The following MAP2 variants were observed in gnomAD, a reference collection of about 807,000 sequenced individuals.
MAP2 encodes microtubule associated protein 2, also known as microtubule-associated protein 2.
A neutral mutation model predicts 137.6 loss-of-function variants in MAP2; 14 were observed. The ratio of observed to expected loss-of-function variants is 0.10; its 90% CI spans 0.07 to 0.16. The LOEUF (loss-of-function observed/expected upper bound fraction) is 0.16. Ranked by LOEUF, MAP2 falls within the 10% of genes least tolerant of loss-of-function variation. The pLI is 1.00. For synonymous variants in MAP2, 786 were observed against 782.3 expected, an observed-to-expected ratio of 1.00 and a Z score of -0.08; for missense variants, 2,088 against 2,191.5, an observed-to-expected ratio of 0.95 and a Z score of 0.94.
At chr2:209,595,846 A>G (rs949269002) in intron 3 of MAP2, among the ~76,000 whole-genome samples, 6 of 152,200 alleles carry the variant, frequency 3.9e-5, no homozygotes, top group African/African-American at 1.2e-4. Flanking sequence ...TGAGCAAACT[A>G]TCACAAAGAC....
At chr2:209,706,255 T>C (rs2063371649) in intron 12 of MAP2, among the ~76,000 whole-genome samples, 2 of 152,118 alleles carry the variant, frequency 1.3e-5, no homozygotes, top group Admixed American at 1.3e-4. Context: ...CATGAACTGA[T>C]TGGCAATTGT....
intron 1 of MAP2, among the ~76,000 whole-genome samples, chr2:209,427,634 T>C (rs1363526954): frequency 1.3e-5 from 2 of 152,202 alleles, no homozygotes; most frequent in East Asian, 3.9e-4. Context: ...TGATACAAAT[T>C]TGGCCTTTAT....
At chr2:209,509,432 CCT>C (rs2061466749) in intron 2 of MAP2, among the ~76,000 whole-genome samples, 1 of 151,818 alleles carries the variant, frequency 6.6e-6, no homozygotes. Flanking sequence ...CATGTTTAAG[CCT>C]CTCTTATTAC....
intron 3 of MAP2, among the ~76,000 whole-genome samples, chr2:209,615,844 T>C (rs541896132): frequency 4.5e-4 from 68 of 152,330 alleles, no homozygotes; most frequent in South Asian, 1.9e-3. Context: ...TCTTTCCTAA[T>C]TGATTTTTCT....
intron 3 of MAP2, among the ~76,000 whole-genome samples, chr2:209,621,087 C>CTGGG (rs1245858371): frequency 1.3e-5 from 2 of 151,440 alleles, no homozygotes; most frequent in East Asian, 4.0e-4. Flanking sequence ...CCCAGCTACT[C>CTGGG]TGGGGACTGA....
At chr2:209,600,737 T>G (rs190544046) in intron 3 of MAP2, among the ~76,000 whole-genome samples, 1 of 152,228 alleles carries the variant, frequency 6.6e-6, no homozygotes, top group Admixed American at 6.5e-5. Flanking sequence ...ACACGGTGAG[T>G]GAGCTGGGAG....
intron 2 of MAP2, among the ~76,000 whole-genome samples, chr2:209,517,872 T>A (rs909298642): frequency 8.0e-5 from 12 of 149,242 alleles, no homozygotes; most frequent in African/African-American, 1.5e-4. Flanking sequence ...ATTTTTTTTT[T>A]AAATAAGAGA....
chr2:209,458,886 T>C (rs1445590183), intron 1 of MAP2, among the ~76,000 whole-genome samples: 1 of 152,124 alleles, frequency 6.6e-6, no homozygotes, highest in Non-Finnish European at 1.5e-5. Flanking sequence ...TCTTTTCATA[T>C]GTCAAGCAGA....
At chr2:209,593,634 A>AT (rs1553608278) in intron 3 of MAP2, among the ~76,000 whole-genome samples, 36 of 33,644 alleles carry the variant, frequency 1.1e-3, no homozygotes, top group African/African-American at 3.9e-3. Flanking sequence ...AAAAAAAAAA[A>AT]ATATATATAT....
chr2:209,457,755 A>G (rs149766269), intron 1 of MAP2, among the ~76,000 whole-genome samples: 56 of 152,328 alleles, frequency 3.7e-4, no homozygotes, highest in African/African-American at 1.3e-3. Context: ...TTCTAGAGAT[A>G]GGGACATGGA....
chr2:209,657,853 G>GAA (rs2041646086), intron 5 of MAP2, among the ~76,000 whole-genome samples: 1 of 152,146 alleles, frequency 6.6e-6, no homozygotes, highest in South Asian at 2.1e-4. Context: ...GCAATGTTCA[G>GAA]AAAAGTTTTT....
intron 13 of MAP2, among the ~76,000 whole-genome samples, chr2:209,713,488 C>T (rs114741285): frequency 9.2e-5 from 14 of 152,258 alleles, no homozygotes; most frequent in Non-Finnish European, 2.1e-4. Context: ...TCAGCTAAAA[C>T]AAATTCATTC....
chr2:209,448,078 A>G (rs1241726326), intron 1 of MAP2, among the ~76,000 whole-genome samples: 1 of 152,142 alleles, frequency 6.6e-6, no homozygotes, highest in African/African-American at 2.4e-5. Flanking sequence ...AATGTGCAGT[A>G]TCATCCTTCA....
chr2:209,645,627 G>C (rs2094371864), intron 4 of MAP2, among the ~76,000 whole-genome samples: 1 of 152,074 alleles, frequency 6.6e-6, no homozygotes, highest in Admixed American at 6.5e-5. Context: ...ATAAGCTATT[G>C]TGTGCTAAAT....
chr2:209,528,879 T>C (rs1358676170), intron 2 of MAP2, among the ~76,000 whole-genome samples: 1 of 150,230 alleles, frequency 6.7e-6, no homozygotes, highest in Non-Finnish European at 1.5e-5. Context: ...TATATGTATA[T>C]ATGTGTGTAT....
intron 3 of MAP2, among the ~76,000 whole-genome samples, chr2:209,608,850 C>A (rs183766073): frequency 7.2e-5 from 11 of 152,186 alleles, no homozygotes; most frequent in Non-Finnish European, 1.6e-4. Context: ...GTTCTCATTG[C>A]CCCTTTGCTT....
At chr2:209,644,950 A>C (rs777837729) in intron 4 of MAP2, among the ~76,000 whole-genome samples, 2 of 152,174 alleles carry the variant, frequency 1.3e-5, no homozygotes, top group African/African-American at 2.4e-5. Flanking sequence ...AATAGCTCAG[A>C]CTGATGGCAG....
At chr2:209,453,486 A>G (rs1289784113) in intron 1 of MAP2, among the ~76,000 whole-genome samples, 2 of 152,192 alleles carry the variant, frequency 1.3e-5, no homozygotes, top group Admixed American at 1.3e-4. Context: ...TTAATACATA[A>G]CAATGCAACA....
chr2:209,526,614 C>A (rs1473750325), intron 2 of MAP2, among the ~76,000 whole-genome samples: 2 of 141,148 alleles, frequency 1.4e-5, no homozygotes, highest in African/African-American at 5.5e-5. Context: ...CTCCCTGGGG[C>A]AAATCTTTCC....
Sources: allele counts gnomAD v4.1 joint callset (sites outside exome capture counted in the v4.1 genomes callset), GRCh38; gene constraint gnomAD v4.1.1; transcripts MANE v1.5; gene names NCBI Gene and HGNC (gene_info 2026-07-23, HGNC 2026-07-21).